MUC4: variants seen among roughly 807,000 people sequenced by gnomAD.
MUC4 encodes mucin-4.
MUC4 carries 202 observed loss-of-function variants against 257.9 expected under a neutral mutation model. The observed-to-expected ratio is 0.78, with a 90% CI of 0.70 to 0.88. The LOEUF (loss-of-function observed/expected upper bound fraction) is 0.88. Ranked by LOEUF, MUC4 falls within the 40% of genes least tolerant of loss-of-function variation. The pLI, the probability that MUC4 is intolerant of heterozygous loss-of-function variation, is 0.00. For synonymous variants in MUC4, 2,351 were observed against 2,757.1 expected, an observed-to-expected ratio of 0.85 and a Z score of 4.62; for missense variants, 5,976 against 6,513.7, an observed-to-expected ratio of 0.92 and a Z score of 2.84.
chr3:195,765,406 CCT>C lies in MUC4; in HGVS notation c.13660_13661del (p.Arg4554AlafsTer53). 1 of 1,613,554 alleles carries C rather than the reference CCT, an allele frequency of 6.2e-7. No homozygotes were observed. The highest frequency in any genetic ancestry group is 8.5e-7 in the Non-Finnish European group (1 of 1,180,016). On this transcript the variant is annotated frameshift_variant, in exon 9 of 25. Transcript: ENST00000463781. LOFTEE classifies it high-confidence loss of function. ...LQFYRLHREE[R>X]PNYRLECLQW... is the part of the protein sequence containing the mutation. Reference sequence around the variant, plus strand: ...GCAGGCACTCGAGACGGTAGTTGGGCCTTTCTTCCCGGTGTAGCCTGTAGAAC... The same window carrying C: ...GCAGGCACTCGAGACGGTAGTTGGGCTTCTTCCCGGTGTAGCCTGTAGAAC...
intron 3 of MUC4, among the ~76,000 whole-genome samples, chr3:195,776,367 C>T (rs1290515302): frequency 3.4e-5 from 4 of 116,966 alleles, no homozygotes; most frequent in African/African-American, 4.3e-5. Flanking sequence ...ATACCTTCCA[C>T]AGCCATACCT....
At chr3:195,767,603 TCACCATTGC>T (rs1721226435) in intron 7 of MUC4, among the ~76,000 whole-genome samples, 2 of 42,484 alleles carry the variant, frequency 4.7e-5, no homozygotes, top group Non-Finnish European at 9.3e-5. Context: ...ACCACCATCA[TCACCATTGC>T]CACCACCATC....
Position 195,762,846 on chromosome 3 carries a change from C to T in MUC4, c.14344+9G>A. ...GCGGGGAGGGGGCGGCCGGCGCTCC[C>T]CAACCTACCTCCGCCGTCTTCATGG... On this transcript the variant is annotated intron_variant, in intron 13 of 24. Coordinates refer to ENST00000463781, the MANE Select transcript of MUC4 (RefSeq NM_018406.7). The T allele has an allele frequency of 6.4e-7, 1 of 1,552,010 alleles. No homozygotes were observed. Among genetic ancestry groups the T allele is most frequent in the Non-Finnish European group, 8.7e-7 (1 of 1,149,642 alleles).
At position 195,782,557 on chromosome 3, in the gene MUC4, G is replaced by C. The variant is rs1211325247; in HGVS notation, c.9023C>G (p.Ser3008Cys). The change falls in exon 2 of 25, where the codon TCT (serine) becomes TGT (cysteine). Residue 3008 changes from serine to cysteine, a missense_variant. Transcript: ENST00000463781. ...TSSASIGHAT[S>C]LPVTDTSSIS... Reference sequence around the variant, plus strand: ...TGAGGAAGTGTCGGTGACAGGAAGAGAGGTGGCGTGACCTATGGATGCTGA... The same window carrying C: ...TGAGGAAGTGTCGGTGACAGGAAGACAGGTGGCGTGACCTATGGATGCTGA... 5 of 1,044,782 alleles carry C rather than the reference G, an allele frequency of 4.8e-6. No homozygotes were observed. The highest frequency in any genetic ancestry group is 1.6e-5 in the South Asian group (1 of 64,490). 64.7% of individuals were successfully genotyped at this position (1,044,782 alleles called of 1,614,324 possible). A position where few individuals can be genotyped will look rare whatever the true frequency, so the allele number is the denominator to read the frequency against.
chr3:195,762,996 G>T, intron 12 of MUC4, 51 bp from the exon 13 acceptor site: 1 of 1,399,608 alleles, frequency 7.1e-7, no homozygotes, highest in South Asian at 1.2e-5. Context: ...TGGAGCCGAC[G>T]CCCAGGAAAG....
intron 1 of MUC4, among the ~76,000 whole-genome samples, chr3:195,797,766 T>C (rs1734741041): frequency 6.6e-6 from 1 of 152,142 alleles, no homozygotes; most frequent in Non-Finnish European, 1.5e-5. Flanking sequence ...TTCCCAAACA[T>C]ATACATTATT....
At position 195,791,071 on chromosome 3, in the gene MUC4, G is replaced by T. The variant is rs772203229; in HGVS notation, c.509C>A (p.Ser170Ter). 3.1e-6 allele frequency: 5 copies of T among 1,613,668 alleles called. No homozygotes were observed. Among genetic ancestry groups the T allele is most frequent in the Non-Finnish European group, 4.2e-6 (5 of 1,179,848 alleles). Residue 170 changes from serine to a stop codon, truncating the protein, a stop_gained, in exon 2 of 25, where the codon TCA (serine) becomes TAA (stop). Transcript: ENST00000463781. LOFTEE classifies it high-confidence loss of function. ...ESSTPVTSAV[S>*]ITAGQEGQSR... is the part of the protein sequence containing the mutation. ...TTGTCCTTCCTGTCCAGCTGTTATT[G>T]AGACTGCTGAGGTCACTGGGGTAGA...
intron 1 of MUC4, among the ~76,000 whole-genome samples, chr3:195,798,734 A>G (rs1035975005): frequency 6.6e-6 from 1 of 152,138 alleles, no homozygotes; most frequent in Admixed American, 6.6e-5. Context: ...AAAAATATAT[A>G]TGTATAGTTT....
At chr3:195,773,891 C>G (rs1210477927) in intron 4 of MUC4, among the ~76,000 whole-genome samples, 1 of 152,250 alleles carries the variant, frequency 6.6e-6, no homozygotes, top group Non-Finnish European at 1.5e-5. Context: ...AGAGACAAAT[C>G]CCAGAAGGTG....
intron 7 of MUC4, among the ~76,000 whole-genome samples, chr3:195,767,510 T>TCATCACCATCACCATTACCATTGCCAC (rs1720934932): frequency 2.8e-5 from 1 of 35,438 alleles, no homozygotes; most frequent in Non-Finnish European, 7.0e-5. Flanking sequence ...ACCACCACCA[T>TCATCACCATCACCATTACCATTGCCAC]CACCATCACC....
chr3:195,778,803 C>T lies in MUC4; in HGVS notation c.12777G>A (p.Lys4259=). 2 of 1,610,856 alleles carry T rather than the reference C, an allele frequency of 1.2e-6. No individual in the cohort carries two copies. Among genetic ancestry groups the T allele is most frequent in the African/African-American group, 1.3e-5 (1 of 75,058 alleles). The change falls in exon 2 of 25, where the codon AAG becomes AAA. Residue 4259 remains lysine, a synonymous_variant. Transcript: ENST00000463781. ...GTTGGCAGCTACCTGGTGTTTCCAT[C>T]TTCAGAGGGGAGTCCGAGGATACTG... ...ASTVSSDSPL[K]METPGMTTPS...
rs1232098031 is a variant in MUC4, at chr3:195,782,658, G to T, written c.8922C>A (p.Ala2974=). The T allele has an allele frequency of 7.6e-7, 1 of 1,313,156 alleles. No individual in the cohort carries two copies. Among genetic ancestry groups the T allele is most frequent in the Non-Finnish European group, 1.0e-6 (1 of 968,304 alleles). The allele number at this position is 1,313,156 out of a possible 1,614,324, so 81.3% of individuals were successfully genotyped here. A position where few individuals can be genotyped will look rare whatever the true frequency, so the allele number is the denominator to read the frequency against. ...TDTSSASTGH[A]TPLPDTDTSS... ...AAGTGTCGGTGTCAGGAAGAGGGGT[G>T]GCGTGACCTGTGGATGCTGAGGAAG... Residue 2974 remains alanine (A), a synonymous_variant, in exon 2 of 25, where the codon GCC becomes GCA. Transcript: ENST00000463781.
At position 195,789,683 on chromosome 3, in the gene MUC4, C is replaced by A. The variant is rs1463623974; in HGVS notation, c.1897G>T (p.Ala633Ser). 2 of 1,613,900 alleles carry A rather than the reference C, an allele frequency of 1.2e-6. No individual in the cohort carries two copies. The highest frequency in any genetic ancestry group is 1.7e-6 in the Non-Finnish European group (2 of 1,179,878). The change falls in exon 2 of 25, where the codon GCT becomes TCT. Residue 633 changes from alanine to serine, a missense_variant. By Grantham distance (99) the Ala-to-Ser change is moderately conservative. This residue lies in a region of MUC4 where 1,583 missense variants were observed against 1,257.4 expected (regional missense o/e 1.26). Transcript: ENST00000463781. ...TGAGTGTGACCCCTTTGGGAAACAG[C>A]TGGTGATTCCTGAGGAGAGGTGCTT... ...STSTSPQESP[A>S]VSQRGHTQAP...
chr3:195,751,140 G>T, intron 22 of MUC4, 28 bp from the exon 23 acceptor site: 1 of 1,525,040 alleles, frequency 6.6e-7, no homozygotes, highest in South Asian at 1.2e-5. Flanking sequence ...GGTGAGGGGG[G>T]GTGGGGGGCT....
chr3:195,786,481 G>C lies in MUC4; in HGVS notation c.5099C>G (p.Thr1700Ser), dbSNP rs1168745968. The change falls in exon 2 of 25, where the codon ACC becomes AGC. Residue 1700 changes from threonine to serine, a missense_variant. By Grantham distance (58) the Thr-to-Ser change is moderately conservative. Around this residue, in one of 44 missense-constraint regions of MUC4, gnomAD observed 138 missense variants for 107.8 expected, o/e 1.28. Coordinates refer to ENST00000463781, the MANE Select transcript of MUC4 (RefSeq NM_018406.7). ...TTDDTTRLPVTDVSSASTGQA... is the reference protein window; with the variant it reads ...TTDDTTRLPVSDVSSASTGQA... ...ACCTGTGGATGCCGAGGAAACGTCG[G>C]TGACAGGAAGACGGGTGGTGTCATC... 6.5e-7 allele frequency: 1 copy of C among 1,527,172 alleles called. No individual in the cohort carries two copies. The highest frequency in any genetic ancestry group is 8.8e-7 in the Non-Finnish European group (1 of 1,132,506). 94.6% of individuals were successfully genotyped at this position (1,527,172 alleles called of 1,614,324 possible).
intron 24 of MUC4, 124 bp downstream of exon 24, chr3:195,748,778 A>T: frequency 2.3e-6 from 3 of 1,284,986 alleles, no homozygotes; most frequent in Non-Finnish European, 3.1e-6. Flanking sequence ...CTCCTTTTCC[A>T]CTGTCCTCTC....
Position 195,778,430 on chromosome 3 carries a change from T to A in MUC4, c.12816A>T (p.Thr4272=). ...ATGTGGCTGTGCGTCTCCCACCGTC[T>A]GTCTTCAGTGACGGTGTTGTCATTC... The part of the protein sequence containing the change: ...TPGMTTPSLK[T]DGGRRTATSP... The change falls in exon 3 of 25, where the codon ACA becomes ACT. Residue 4272 remains threonine, a synonymous_variant. Transcript: ENST00000463781. 1 of 1,612,864 alleles carries A rather than the reference T, an allele frequency of 6.2e-7. No homozygotes were observed.
chr3:195,767,807 A>G (rs1269411925), intron 7 of MUC4, among the ~76,000 whole-genome samples: 6 of 121,560 alleles, frequency 4.9e-5, no homozygotes, highest in African/African-American at 2.3e-4. Context: ...CACCATCATC[A>G]CCACCATCAC....
chr3:195,751,701 A>G (rs1400329388), intron 21 of MUC4: 1 of 261,654 alleles, frequency 3.8e-6, no homozygotes, highest in Non-Finnish European at 7.3e-6. Flanking sequence ...CAGGTGACAA[A>G]TGTCAACAGA....
Sources: allele counts gnomAD v4.1 joint callset (sites outside exome capture counted in the v4.1 genomes callset), GRCh38; gene constraint gnomAD v4.1.1; regional missense constraint gnomAD v4.1.1; transcripts MANE v1.5; gene names NCBI Gene and HGNC (gene_info 2026-07-23, HGNC 2026-07-21).